EYS: variants seen among roughly 807,000 people sequenced by gnomAD.
EYS encodes the protein protein eyes shut homolog.
A neutral mutation model predicts 282.1 loss-of-function variants in EYS; 250 were observed. The observed-to-expected ratio is 0.89, with a 90% confidence interval of 0.80 to 0.98. The LOEUF (loss-of-function observed/expected upper bound fraction) is 0.98, where lower values mean the gene tolerates loss of function less well. Ranked by LOEUF, EYS falls within the 50% of genes least tolerant of loss-of-function variation. The probability of loss-of-function intolerance (pLI) is 0.00; values close to 1 mark genes in which losing one functional copy is unlikely to be tolerated. For synonymous variants in EYS, 1,355 were observed against 1,282.9 expected, an observed-to-expected ratio of 1.06 and a Z score of -1.20; for missense variants, 4,016 against 3,709.0, an observed-to-expected ratio of 1.08 and a Z score of -2.15.
intron 29 of EYS, among the ~76,000 whole-genome samples, chr6:64,333,771 C>A (rs577661940): frequency 3.5e-4 from 53 of 152,270 alleles, no homozygotes; most frequent in African/African-American, 1.2e-3. Context: ...ACACTTTAAT[C>A]CTGAAGTATC....
At chr6:63,950,879 G>A (rs1765564325) in intron 35 of EYS, among the ~76,000 whole-genome samples, 1 of 152,028 alleles carries the variant, frequency 6.6e-6, no homozygotes, top group Non-Finnish European at 1.5e-5. Context: ...CAGAGGAGAT[G>A]TGTTTTATCC....
chr6:64,558,117 A>G (rs570277686), intron 26 of EYS, among the ~76,000 whole-genome samples: 1 of 152,154 alleles, frequency 6.6e-6, no homozygotes, highest in Non-Finnish European at 1.5e-5. Flanking sequence ...TAAGAGATGC[A>G]ACCCTGAAAA....
At chr6:64,928,297 A>C (rs761429132) in intron 15 of EYS, among the ~76,000 whole-genome samples, 1 of 152,068 alleles carries the variant, frequency 6.6e-6, no homozygotes, top group African/African-American at 2.4e-5. Context: ...ATTATCTTTC[A>C]AAAAAAGAAA....
chr6:65,330,928 C>A, intron 11 of EYS: 1 of 983,466 alleles, frequency 1.0e-6, no homozygotes, highest in Non-Finnish European at 1.2e-6. Flanking sequence ...ACTAAAGAAC[C>A]CTGTATGTTC....
chr6:64,698,603 T>C (rs74477921), intron 22 of EYS, among the ~76,000 whole-genome samples: 133 of 152,260 alleles, frequency 8.7e-4, no homozygotes, highest in Middle Eastern at 3.4e-3. Flanking sequence ...AGGTCTAATA[T>C]GGACCGTCTA....
chr6:65,000,186 T>C (rs1003665718), intron 13 of EYS, among the ~76,000 whole-genome samples: 1 of 152,144 alleles, frequency 6.6e-6, no homozygotes, highest in Non-Finnish European at 1.5e-5. Flanking sequence ...TGTCTATACG[T>C]TCCGCTAGAG....
chr6:64,487,735 T>C (rs910937773), intron 26 of EYS, among the ~76,000 whole-genome samples: 9 of 151,142 alleles, frequency 6.0e-5, no homozygotes, highest in Non-Finnish European at 1.0e-4. Flanking sequence ...AACTGTACAA[T>C]ATGCCTCTGT....
At chr6:64,592,966 A>G in intron 25 of EYS, 151 bp downstream of exon 25, 1 of 521,542 alleles carries the variant, frequency 1.9e-6, no homozygotes, top group Non-Finnish European at 3.2e-6. Flanking sequence ...AAAACTTAAA[A>G]CAGGAGTCAT....
intron 2 of EYS, among the ~76,000 whole-genome samples, chr6:65,581,188 T>C (rs1298881174): frequency 6.6e-6 from 1 of 152,074 alleles, no homozygotes; most frequent in Non-Finnish European, 1.5e-5. Context: ...TAATATTTCA[T>C]GTACTCGTCT....
At chr6:65,675,752 C>A (rs1218568186) in intron 1 of EYS, among the ~76,000 whole-genome samples, 1 of 151,764 alleles carries the variant, frequency 6.6e-6, no homozygotes, top group Admixed American at 6.6e-5. Flanking sequence ...TGATTGAACC[C>A]AACTGATACA....
At chr6:64,225,407 C>G (rs1404910365) in intron 31 of EYS, among the ~76,000 whole-genome samples, 1 of 151,814 alleles carries the variant, frequency 6.6e-6, no homozygotes, top group Non-Finnish European at 1.5e-5. Flanking sequence ...CCAGCTGACT[C>G]TGAGATACAG....
chr6:64,172,104 C>T lies in EYS; in HGVS notation c.6424+58488G>A, dbSNP rs369773751. Among the ~76,000 whole-genome samples the T allele has an allele frequency of 1.4e-4, 21 of 152,198 alleles. No individual in the cohort carries two copies. The South Asian group carries it at 4.4e-3, about 32-fold the overall frequency. On this transcript the variant is annotated intron_variant, in intron 31 of 42. Coordinates refer to ENST00000503581, the MANE Select transcript of EYS (RefSeq NM_001142800.2). ...AATCAATAGATGTCTACAACATACA[C>T]CCATCAACCTTTTCAATATTCTTTC...
At chr6:63,799,998 C>T (rs891881683) in intron 37 of EYS, among the ~76,000 whole-genome samples, 10 of 152,010 alleles carry the variant, frequency 6.6e-5, no homozygotes, top group South Asian at 2.1e-4. Context: ...TGAGCCTGGG[C>T]GGGGGAGAAT....
Position 65,702,348 on chromosome 6 carries a change from T to C in EYS, c.-448+4787A>G, listed in dbSNP as rs555157812. Among the ~76,000 whole-genome samples, 10 of 152,316 alleles carry C rather than the reference T, an allele frequency of 6.6e-5. No individual in the cohort carries two copies. The South Asian group carries it at 1.9e-3, about 28-fold the overall frequency. On this transcript the variant is annotated intron_variant, in intron 1 of 42. Transcript: ENST00000503581. The stretch of plus-strand genomic sequence containing the variant: ...GACAGTATTTACACTAATTTGATGA[T>C]TGGCTTACTTATTTTCTGTAATAAC...
rs576269241 is a variant in EYS at position 64,877,314 on chromosome 6, C to A, written c.2992+9383G>T. 1.6e-4 allele frequency among the ~76,000 whole-genome samples: 24 copies of A among 151,976 alleles called. 1 individual carries two copies. The highest frequency in any genetic ancestry group is 7.4e-5 in the Non-Finnish European group (5 of 68,006). On this transcript the variant is annotated intron_variant, in intron 19 of 42. Coordinates refer to ENST00000503581, the MANE Select transcript of EYS (RefSeq NM_001142800.2). Reference sequence around the variant, plus strand: ...ATCAGTCTGAGGTATTATATGGATACCTGAATGAACATGTTAGTAGTTATT... The same window carrying A: ...ATCAGTCTGAGGTATTATATGGATAACTGAATGAACATGTTAGTAGTTATT...
rs573374215 is a variant in EYS, at chr6:65,078,575, T to C, written c.2024-20848A>G. Among the ~76,000 whole-genome samples the C allele has an allele frequency of 2.6e-5, 4 of 152,202 alleles. No homozygotes were observed. The South Asian group carries it at 8.3e-4, about 32-fold the overall frequency. ...ATGTATGTGAATGAAGTTCCAAATG[T>C]AGACTGGGTAAAAACTCCAAAGCAA... is the stretch of plus-strand genomic sequence containing the variant. On this transcript the variant is annotated intron_variant, in intron 12 of 42. Coordinates refer to ENST00000503581, the MANE Select transcript of EYS (RefSeq NM_001142800.2).
intron 26 of EYS, among the ~76,000 whole-genome samples, chr6:64,553,545 A>AACCC (rs1765150929): frequency 1.7e-4 from 8 of 46,476 alleles, no homozygotes; most frequent in African/African-American, 2.5e-4. Flanking sequence ...CTTTTGTTTG[A>AACCC]CCCCCCCCCC....
chr6:65,246,034 G>A (rs1485146710), intron 12 of EYS, among the ~76,000 whole-genome samples: 1 of 151,970 alleles, frequency 6.6e-6, no homozygotes, highest in African/African-American at 2.4e-5. Flanking sequence ...TAGTACAGTA[G>A]ACAGGAAGGG....
intron 26 of EYS, among the ~76,000 whole-genome samples, chr6:64,477,614 T>A (rs1000490183): frequency 3.3e-5 from 5 of 152,112 alleles, no homozygotes; most frequent in Admixed American, 2.6e-4. Flanking sequence ...TCAAAGGAGA[T>A]GTATCTTCAA....
Sources: allele counts gnomAD v4.1 joint callset (sites outside exome capture counted in the v4.1 genomes callset), GRCh38; gene constraint gnomAD v4.1.1; transcripts MANE v1.5; gene names NCBI Gene and HGNC (gene_info 2026-07-23, HGNC 2026-07-21).